The following NOL8 variants were observed in gnomAD, a reference collection of about 807,000 sequenced individuals.
The protein encoded by NOL8 is nucleolar protein 8, also known as nucleolar protein Nop132.
A neutral mutation model predicts 116.1 loss-of-function variants in NOL8; 93 were observed. The observed-to-expected ratio is 0.80, with a 90% CI of 0.68 to 0.95. The LOEUF (loss-of-function observed/expected upper bound fraction) is 0.95. Among genes scored for constraint, NOL8 ranks in the 40% least tolerant of loss-of-function variants. The pLI is 0.00. For missense variants in NOL8, 1,291 were observed against 1,382.8 expected (o/e 0.93, Z 1.05); for synonymous variants, 419 against 469.0 (o/e 0.89, Z 1.38).
Position 92,315,322 on chromosome 9 carries a change from C to G in NOL8, c.1303G>C (p.Glu435Gln). Residue 435 changes from glutamate to glutamine, a missense_variant, in exon 7 of 17, where the codon GAG becomes CAG. By Grantham distance (29) the Glu-to-Gln change is conservative. Coordinates refer to ENST00000442668, the MANE Select transcript of NOL8 (RefSeq NM_017948.6). ...TTTAATCCATGACTGAGGGCTGACT[C>G]TACATTGCTTTTTCTTTTTTGTAGT... ...IKLQKRKSNV[E>Q]SALSHGLKSL... 1 of 1,613,724 alleles carries G rather than the reference C, an allele frequency of 6.2e-7. No individual in the cohort carries two copies.
At position 92,301,542 on chromosome 9, in the gene NOL8, GA is replaced by G; in HGVS notation, c.3175+8del. ...TAAAATAAAAAAGTATGGGAAAAAA[GA>G]AAAGTACCTTCCTTTATGTCTTTAG... On this transcript the variant is annotated splice_region_variant and intron_variant, in intron 13 of 16. Coordinates refer to ENST00000442668, the MANE Select transcript of NOL8 (RefSeq NM_017948.6). 1 of 1,561,672 alleles carries G rather than the reference GA, an allele frequency of 6.4e-7. No individual in the cohort carries two copies. The highest frequency in any genetic ancestry group is 8.6e-7 in the Non-Finnish European group (1 of 1,158,706).
chr9:92,300,110 A>T lies in NOL8; in HGVS notation c.3176-94T>A, dbSNP rs117401079. The T allele has an allele frequency of 3.8e-4, 564 of 1,476,828 alleles. 5 individuals carry two copies. The East Asian group carries it at 0.01, about 27-fold the overall frequency. The allele number at this position is 1,476,828 out of a possible 1,614,324, so 91.5% of individuals were successfully genotyped here. ...ATTTGATTACTTTTACCACGTAGACATATCTAAAGTTCCAATATGTTAATC... is the reference window on the plus strand; with the variant it reads ...ATTTGATTACTTTTACCACGTAGACTTATCTAAAGTTCCAATATGTTAATC... On this transcript the variant is annotated intron_variant, in intron 13 of 16. Coordinates refer to ENST00000442668, the MANE Select transcript of NOL8 (RefSeq NM_017948.6).
Position 92,311,262 on chromosome 9 carries a change from AG to A in NOL8, c.2359-4del. The A allele has an allele frequency of 6.2e-7, 1 of 1,608,506 alleles. No homozygotes were observed. The highest frequency in any genetic ancestry group is 8.5e-7 in the Non-Finnish European group (1 of 1,176,120). ...GGCTTATCCTCTGGATGACCATCCT[AG>A]GGAGGCCATCGAAAGCATTGCATCT... On this transcript the variant is annotated splice_region_variant and splice_polypyrimidine_tract_variant and intron_variant, in intron 7 of 16. Coordinates refer to ENST00000442668, the MANE Select transcript of NOL8 (RefSeq NM_017948.6).
At chr9:92,318,456 C>T (rs1587999157) in intron 6 of NOL8, among the ~76,000 whole-genome samples, 162 bp downstream of exon 6, 1 of 151,290 alleles carries the variant, frequency 6.6e-6, no homozygotes, top group Middle Eastern at 3.5e-3. Flanking sequence ...AATCCATTTT[C>T]TCATGCTCTA....
chr9:92,323,427 T>C lies in NOL8; in HGVS notation c.202+14A>G, dbSNP rs1309380377. 5.0e-6 allele frequency: 8 copies of C among 1,594,696 alleles called. No homozygotes were observed. The East Asian group carries it at 9.0e-5, about 18-fold the overall frequency. On this transcript the variant is annotated intron_variant, in intron 3 of 16. Coordinates refer to ENST00000442668, the MANE Select transcript of NOL8 (RefSeq NM_017948.6). ...AAACTGGCAAACAGTATAGAAAATATATGATGATCTTACATTTTTTCAGGT... is the reference window on the plus strand; with the variant it reads ...AAACTGGCAAACAGTATAGAAAATACATGATGATCTTACATTTTTTCAGGT...
At chr9:92,310,509 A>T in intron 9 of NOL8, 44 bp downstream of exon 9, 1 of 1,560,678 alleles carries the variant, frequency 6.4e-7, no homozygotes, top group Non-Finnish European at 8.7e-7. Context: ...ATGTCAAAAA[A>T]TAAGGACATG....
intron 12 of NOL8, among the ~76,000 whole-genome samples, chr9:92,302,945 A>C (rs1163067632): frequency 6.6e-6 from 1 of 152,194 alleles, no homozygotes; most frequent in Non-Finnish European, 1.5e-5. Flanking sequence ...TCCTTGTTAC[A>C]TGGTGGTAGA....
intron 10 of NOL8, among the ~76,000 whole-genome samples, chr9:92,309,235 ATTG>A (rs1023296854): frequency 1.3e-5 from 2 of 152,220 alleles, no homozygotes; most frequent in African/African-American, 4.8e-5. Context: ...CAAATCACAG[ATTG>A]TTTTCAGTAA....
At chr9:92,322,264 C>T (rs1404906742) in intron 3 of NOL8, among the ~76,000 whole-genome samples, 2 of 152,198 alleles carry the variant, frequency 1.3e-5, no homozygotes, top group East Asian at 3.8e-4. Flanking sequence ...GTTTGAATTA[C>T]TATGCCGTAG....
intron 7 of NOL8, among the ~76,000 whole-genome samples, chr9:92,313,395 G>A (rs887113182): frequency 3.3e-5 from 5 of 152,230 alleles, no homozygotes; most frequent in East Asian, 3.9e-4. Context: ...GCCACATATC[G>A]TCTTTGTTCT....
chr9:92,318,829 C>T, intron 5 of NOL8, 143 bp from the exon 6 acceptor site: 2 of 568,748 alleles, frequency 3.5e-6, no homozygotes, highest in Non-Finnish European at 5.9e-6. Context: ...ATAAGAGTTA[C>T]CAAAGAGAAA....
Position 92,316,066 on chromosome 9 carries a change from G to A in NOL8, c.559C>T (p.Pro187Ser), listed in dbSNP as rs749398404. 2 of 1,613,968 alleles carry A rather than the reference G, an allele frequency of 1.2e-6. No homozygotes were observed. Among genetic ancestry groups the A allele is most frequent in the Admixed American group, 3.3e-5 (2 of 60,022 alleles). The change falls in exon 7 of 17, where the codon CCT (proline) becomes TCT (serine). Residue 187 changes from proline to serine, a missense_variant. Pro to Ser is a moderately conservative substitution (Grantham distance 74). Transcript: ENST00000442668. ...KIGEDFSNTI[P>S]ISSLTWELEG... Reference sequence around the variant, plus strand: ...AATTCCCAAGTCAGGCTGGATATAGGAATGGTGTTTGAGAAATCCTCCCCT... The same window carrying A: ...AATTCCCAAGTCAGGCTGGATATAGAAATGGTGTTTGAGAAATCCTCCCCT...
rs1244853076 is a variant in NOL8, at chr9:92,314,380, T to C, written c.2245A>G (p.Ser749Gly). 1.2e-6 allele frequency: 2 copies of C among 1,613,682 alleles called. No individual in the cohort carries two copies. ...TCTTCAGCATGCTTATCTTTAGCAC[T>C]CACATCTGACGAATTACTAATAGAA... ...SLSISNSSDV[S>G]AKDKHAEDNE... is the part of the protein sequence containing the mutation. The change falls in exon 7 of 17, where the codon AGT (serine) becomes GGT (glycine). Residue 749 changes from serine to glycine, a missense_variant. Transcript: ENST00000442668.
rs1364721577 is a variant in NOL8 at position 92,318,852 on chromosome 9, A to G, written c.418-166T>C. The G allele has an allele frequency of 7.1e-6, 4 of 562,736 alleles. No homozygotes were observed. The East Asian group carries it at 1.2e-4, about 17-fold the overall frequency. 34.9% of individuals were successfully genotyped at this position (562,736 alleles called of 1,614,324 possible). ...TACCAAAGAGAAAAATTGTGAGAGGAAAGAAAAAAAAAGGAAGATTTGGAG... is the reference window on the plus strand; with the variant it reads ...TACCAAAGAGAAAAATTGTGAGAGGGAAGAAAAAAAAAGGAAGATTTGGAG... On this transcript the variant is annotated intron_variant, in intron 5 of 16. Transcript: ENST00000442668.
chr9:92,308,018 A>T (rs1238638858), intron 10 of NOL8, among the ~76,000 whole-genome samples: 4 of 152,238 alleles, frequency 2.6e-5, no homozygotes, highest in Non-Finnish European at 5.9e-5. Context: ...AGGGAAGTAG[A>T]TTATAATGCT....
At position 92,314,116 on chromosome 9, in the gene NOL8, A is replaced by G. The variant is rs1353314022; in HGVS notation, c.2358+151T>C. On this transcript the variant is annotated intron_variant, in intron 7 of 16. Transcript: ENST00000442668. ...GAAAATTATAAAGAAATTTTCAGAT[A>G]AACCAGATGAAAAAGCTAACTCAAG... 3.3e-6 allele frequency: 4 copies of G among 1,230,274 alleles called. No homozygotes were observed. The African/African-American group carries it at 6.1e-5, about 19-fold the overall frequency. 76.2% of individuals were successfully genotyped at this position (1,230,274 alleles called of 1,614,324 possible). A position where few individuals can be genotyped will look rare whatever the true frequency, so the allele number is the denominator to read the frequency against.
At chr9:92,301,347 T>C (rs1837726638) in intron 13 of NOL8, among the ~76,000 whole-genome samples, 1 of 152,206 alleles carries the variant, frequency 6.6e-6, no homozygotes, top group Non-Finnish European at 1.5e-5. Flanking sequence ...TAGTAGAGAT[T>C]TGCTTCCTTA....
intron 10 of NOL8, 98 bp from the exon 11 acceptor site, chr9:92,307,122 C>T (rs988884310): frequency 8.0e-6 from 10 of 1,242,744 alleles, no homozygotes; most frequent in Admixed American, 4.7e-5. Flanking sequence ...TGTTCAAAAT[C>T]CATTAAGACA....
In NOL8 at chr9:92,318,881, C is replaced by CTA. The variant is rs971600045; in HGVS notation, c.418-197_418-196dup. ...AAAAAAAAAGGAAGATTTGGAGCAGCTATCAATCCCAAGTAAACCGTGTAA... is the reference window on the plus strand; with the variant it reads ...AAAAAAAAAGGAAGATTTGGAGCAGCTATATCAATCCCAAGTAAACCGTGTAA... On this transcript the variant is annotated intron_variant, in intron 5 of 16. Transcript: ENST00000442668. 4 of 555,228 alleles carry CTA rather than the reference C, an allele frequency of 7.2e-6. No homozygotes were observed. The African/African-American group carries it at 7.8e-5, about 11-fold the overall frequency. The allele number at this position is 555,228 out of a possible 1,614,324, so 34.4% of individuals were successfully genotyped here.
Sources: allele counts gnomAD v4.1 joint callset (sites outside exome capture counted in the v4.1 genomes callset), GRCh38; gene constraint gnomAD v4.1.1; transcripts MANE v1.5; gene names NCBI Gene and HGNC (gene_info 2026-07-23, HGNC 2026-07-21).